RAI1: variants seen among roughly 807,000 people sequenced by gnomAD.
RAI1 encodes retinoic acid-induced protein 1.
RAI1 carries 9 observed loss-of-function variants against 123.8 expected under a neutral mutation model. That is an observed-to-expected ratio of 0.07 (90% CI 0.04 to 0.13). The LOEUF is 0.13. RAI1 is among the 10% of genes least tolerant of loss of function. The pLI is 1.00. For missense variants in RAI1, 2,256 were observed against 2,545.8 expected (o/e 0.89, Z 2.45); for synonymous variants, 1,231 against 1,127.3 (o/e 1.09, Z -1.84).
chr17:17,710,382 T>TA (rs951987479), intron 1 of RAI1, among the ~76,000 whole-genome samples: 47 of 152,286 alleles, frequency 3.1e-4, no homozygotes, highest in African/African-American at 1.1e-3. Context: ...TACGTGGATA[T>TA]ACGGCCACAG....
At position 17,796,176 on chromosome 17, in the gene RAI1, C is replaced by T. The variant is rs2143002581; in HGVS notation, c.3228C>T (p.Thr1076=). 3 of 1,550,506 alleles carry T rather than the reference C, an allele frequency of 1.9e-6. No individual in the cohort carries two copies. Among genetic ancestry groups the T allele is most frequent in the Non-Finnish European group, 1.7e-6 (2 of 1,147,916 alleles). The change falls in exon 3 of 6, where the codon ACC becomes ACT. Residue 1076 remains threonine, a synonymous_variant. Coordinates refer to ENST00000353383, the MANE Select transcript of RAI1 (RefSeq NM_030665.4). This position sits in a 1 kb window ranked among gnomAD's most constrained non-coding sequence, Gnocchi z 5.8. ...CGCCCGGACCCCCAGGCCTGACCAC[C>T]ACCCCTGCACCCCCAGACAAACTGG... The part of the protein sequence containing the change: ...PRTPGPPGLT[T]TPAPPDKLGG...
intron 2 of RAI1, among the ~76,000 whole-genome samples, chr17:17,771,833 A>T (rs2031171287): frequency 6.6e-6 from 1 of 152,174 alleles, no homozygotes; most frequent in Admixed American, 6.5e-5. Flanking sequence ...ACTGACACCC[A>T]AACAGTGATG....
At chr17:17,739,772 C>T (rs959530637) in intron 2 of RAI1, among the ~76,000 whole-genome samples, 16 of 152,140 alleles carry the variant, frequency 1.1e-4, no homozygotes, top group Admixed American at 2.6e-4. Context: ...GGTGGTGGTG[C>T]GGGGTGGTGA....
chr17:17,725,099 C>T (rs575686418), intron 2 of RAI1, among the ~76,000 whole-genome samples: 2 of 146,952 alleles, frequency 1.4e-5, no homozygotes, highest in South Asian at 4.3e-4. Context: ...TGGTTAGAGA[C>T]GTCGACCTGG....
At chr17:17,737,400 A>G (rs1916465496) in intron 2 of RAI1, among the ~76,000 whole-genome samples, 1 of 152,096 alleles carries the variant, frequency 6.6e-6, no homozygotes, top group Non-Finnish European at 1.5e-5. Context: ...GAACCTTTCC[A>G]GAATGCAGCC....
chr17:17,758,601 G>A (rs970028432), intron 2 of RAI1, among the ~76,000 whole-genome samples: 25 of 152,248 alleles, frequency 1.6e-4, no homozygotes, highest in African/African-American at 6.0e-4. Flanking sequence ...CTGTTTCTCT[G>A]CAGGCAGTAT....
intron 2 of RAI1, among the ~76,000 whole-genome samples, chr17:17,760,966 T>A (rs1048257757): frequency 6.6e-6 from 1 of 152,200 alleles, no homozygotes; most frequent in Non-Finnish European, 1.5e-5. Flanking sequence ...GCCAAGAACC[T>A]CCTAGAACTG....
At chr17:17,792,464 CCAG>C (rs1478858261) in intron 2 of RAI1, among the ~76,000 whole-genome samples, 1 of 151,952 alleles carries the variant, frequency 6.6e-6, no homozygotes, top group Non-Finnish European at 1.5e-5. Flanking sequence ...ATTACAGGAT[CCAG>C]CAGGCCCCAG....
chr17:17,682,406 C>G (rs1914462887), intron 1 of RAI1: 1 of 151,880 alleles, frequency 6.6e-6, no homozygotes, highest in South Asian at 2.1e-4. Context: ...GCCCCCGCGA[C>G]CTGGGGAGCT....
intron 2 of RAI1, among the ~76,000 whole-genome samples, chr17:17,773,051 AGACT>A (rs900844251): frequency 9.0e-4 from 77 of 85,360 alleles, no homozygotes; most frequent in African/African-American, 4.0e-3. Context: ...ATGCATGGAT[AGACT>A]GATGGGTGGG....
At chr17:17,701,777 C>G (rs1915232490) in intron 1 of RAI1, among the ~76,000 whole-genome samples, 1 of 152,172 alleles carries the variant, frequency 6.6e-6, no homozygotes, top group Non-Finnish European at 1.5e-5. Context: ...CCTTTCTGCC[C>G]CTTCCAGTCC....
chr17:17,757,926 CTT>C (rs2030512941), intron 2 of RAI1, among the ~76,000 whole-genome samples: 1 of 152,226 alleles, frequency 6.6e-6, no homozygotes, highest in Non-Finnish European at 1.5e-5. Flanking sequence ...GACTCAGTAG[CTT>C]TCCCCTTCTG....
chr17:17,688,161 C>G (rs374562325), intron 1 of RAI1, among the ~76,000 whole-genome samples: 9 of 151,830 alleles, frequency 5.9e-5, no homozygotes, highest in African/African-American at 2.2e-4. Context: ...CAGCTGCTCA[C>G]TGTGGGGCTC....
intron 2 of RAI1, among the ~76,000 whole-genome samples, chr17:17,748,762 A>G (rs2142980106): frequency 6.6e-6 from 1 of 152,300 alleles, no homozygotes; most frequent in African/African-American, 2.4e-5. Flanking sequence ...GCTTGGTAGC[A>G]CTGGAGTGAG....
At chr17:17,724,422 T>C (rs1245082908) in intron 2 of RAI1, among the ~76,000 whole-genome samples, 1 of 148,652 alleles carries the variant, frequency 6.7e-6, no homozygotes, top group African/African-American at 2.5e-5. Flanking sequence ...TTTTTTTTTT[T>C]TTTGGCCGCT....
intron 2 of RAI1, among the ~76,000 whole-genome samples, chr17:17,773,614 C>T (rs1377791747): frequency 1.3e-5 from 2 of 152,068 alleles, no homozygotes; most frequent in Non-Finnish European, 2.9e-5. Flanking sequence ...AACAATGTGA[C>T]GAAGGGAGGC....
rs114118087 is a variant in RAI1 at position 17,797,928 on chromosome 17, G to T, written c.4980G>T (p.Pro1660=). The T allele has an allele frequency of 6.6e-4, 1,060 of 1,613,942 alleles. 5 individuals are homozygous for T. In the African/African-American group the frequency reaches 0.013, roughly 19 times the overall value. Residue 1660 remains proline, a synonymous_variant, in exon 3 of 6, where the codon CCG becomes CCT. Transcript: ENST00000353383. The stretch of plus-strand genomic sequence containing the variant: ...TCCCTGGAGGCTCCATCCTGCAGCC[G>T]CGGCCCTCCTTGCCCCTCTCCTCCA... ...ATLPGGSILQ[P]RPSLPLSSTM...
intron 2 of RAI1, among the ~76,000 whole-genome samples, chr17:17,769,719 C>T (rs1027859390): frequency 1.3e-5 from 2 of 152,154 alleles, no homozygotes; most frequent in African/African-American, 4.8e-5. Context: ...CTCAGAGAGG[C>T]CTTACAGAAG....
intron 1 of RAI1, among the ~76,000 whole-genome samples, chr17:17,698,439 C>T (rs1915106923): frequency 6.6e-6 from 1 of 152,232 alleles, no homozygotes; most frequent in Non-Finnish European, 1.5e-5. Flanking sequence ...GCCCAGTAGT[C>T]AGGAAAGCGG....
Sources: gnomAD v4.1 joint callset for allele counts (sites outside exome capture counted in the v4.1 genomes callset) on GRCh38, gnomAD v4.1.1 for gene constraint, Gnocchi (gnomAD v3.1) non-coding constraint, MANE v1.5 for transcripts, NCBI Gene and HGNC (gene_info 2026-07-23, HGNC 2026-07-21) for gene names.